Variants in WFDC8 observed in about 807,000 individuals in gnomAD.
The protein encoded by WFDC8 is WAP four-disulfide core domain protein 8.
Under a neutral mutation model 27.0 loss-of-function variants are expected in WFDC8, and 24 were observed. The ratio of observed to expected loss-of-function variants is 0.89; its 90% CI spans 0.64 to 1.25. The LOEUF (loss-of-function observed/expected upper bound fraction) is 1.25, where lower values mean the gene tolerates loss of function less well. WFDC8 is among the 50% of genes most tolerant of loss of function. WFDC8 has a pLI of 0.00. For synonymous variants in WFDC8, 106 were observed against 99.7 expected (o/e 1.06, Z -0.38); for missense variants, 287 against 295.9 (o/e 0.97, Z 0.22).
At chr20:45,577,319 G>C (rs1235760057) in intron 1 of WFDC8, among the ~76,000 whole-genome samples, 2 of 151,364 alleles carry the variant, frequency 1.3e-5, no homozygotes, top group African/African-American at 2.4e-5. Context: ...ACTTGTGTCA[G>C]ATAAGCTTGG....
At chr20:45,555,482 G>A (rs929157978) in intron 4 of WFDC8, among the ~76,000 whole-genome samples, 1 of 152,118 alleles carries the variant, frequency 6.6e-6, no homozygotes, top group African/African-American at 2.4e-5. Flanking sequence ...TTTTGGCAGA[G>A]CCACTCCATT....
Position 45,551,999 on chromosome 20 carries a change from T to C in WFDC8, c.*27A>G, listed in dbSNP as rs1980049760. On this transcript the variant is annotated 3_prime_UTR_variant, in exon 6 of 6. Transcript: ENST00000289953. ...ATCATGCTACTCATAATTAATGATT[T>C]TGATGATAATATTTTCTACTTACTA... The C allele has an allele frequency of 6.2e-7, 1 of 1,610,854 alleles. No homozygotes were observed.
At chr20:45,562,952 A>G (rs1213149623) in intron 1 of WFDC8, among the ~76,000 whole-genome samples, 1 of 152,200 alleles carries the variant, frequency 6.6e-6, no homozygotes, top group Non-Finnish European at 1.5e-5. Flanking sequence ...AGAGGGAGAA[A>G]GAGGAAGCAA....
At chr20:45,559,245 G>C (rs1980380656) in intron 2 of WFDC8, among the ~76,000 whole-genome samples, 1 of 152,142 alleles carries the variant, frequency 6.6e-6, no homozygotes, top group African/African-American at 2.4e-5. Flanking sequence ...GGGTTAGAAA[G>C]GGACCAAGGC....
chr20:45,553,041 C>T, intron 5 of WFDC8, 95 bp downstream of exon 5: 1 of 1,452,254 alleles, frequency 6.9e-7, no homozygotes, highest in Non-Finnish European at 9.3e-7. Flanking sequence ...GCCCAAGGAG[C>T]ATCTGAGGTT....
chr20:45,578,365 C>T (rs1360763086), intron 1 of WFDC8, among the ~76,000 whole-genome samples: 2 of 151,394 alleles, frequency 1.3e-5, no homozygotes, highest in Non-Finnish European at 3.0e-5. Context: ...GAACTTTGAG[C>T]TCTCCATGGC....
intron 4 of WFDC8, among the ~76,000 whole-genome samples, chr20:45,553,527 T>C (rs937634610): frequency 3.9e-5 from 6 of 152,166 alleles, no homozygotes; most frequent in African/African-American, 1.4e-4. Flanking sequence ...AGTTTCCTTC[T>C]CTGTAAAATG....
At chr20:45,571,193 T>A (rs1278056792) in intron 1 of WFDC8, among the ~76,000 whole-genome samples, 1 of 152,220 alleles carries the variant, frequency 6.6e-6, no homozygotes, top group Non-Finnish European at 1.5e-5. Flanking sequence ...ACAATCTTTT[T>A]GTTTTCATTA....
In WFDC8 at chr20:45,555,744, G is replaced by A; in HGVS notation, c.402C>T (p.Asn134=). 1 of 1,613,086 alleles carries A rather than the reference G, an allele frequency of 6.2e-7. No individual in the cohort carries two copies. The highest frequency in any genetic ancestry group is 8.5e-7 in the Non-Finnish European group (1 of 1,180,020). Residue 134 remains asparagine, a synonymous_variant, in exon 4 of 6, where the codon AAC becomes AAT. Coordinates refer to ENST00000289953, the MANE Select transcript of WFDC8 (RefSeq NM_130896.3). Reference sequence around the variant, plus strand: ...TTCTGCAGGCATCCTCATTTAAGAAGTTGTTGGCATTCCCTTCGCAGCCCC... The same window carrying A: ...TTCTGCAGGCATCCTCATTTAAGAAATTGTTGGCATTCCCTTCGCAGCCCC... ...KYRGCEGNAN[N]FLNEDACRTA... is the part of the protein sequence containing the mutation.
At chr20:45,572,971 T>C (rs1170266957) in intron 1 of WFDC8, among the ~76,000 whole-genome samples, 3 of 152,246 alleles carry the variant, frequency 2.0e-5, no homozygotes, top group Non-Finnish European at 4.4e-5. Context: ...TTGAGTTGTT[T>C]TCTTACTATC....
intron 1 of WFDC8, among the ~76,000 whole-genome samples, chr20:45,571,392 C>A (rs1980861933): frequency 6.6e-6 from 1 of 152,078 alleles, no homozygotes; most frequent in Non-Finnish European, 1.5e-5. Context: ...TTATGTGCTA[C>A]AATTTAATGT....
intron 1 of WFDC8, among the ~76,000 whole-genome samples, chr20:45,567,478 T>A (rs1011195609): frequency 6.6e-6 from 1 of 152,108 alleles, no homozygotes; most frequent in African/African-American, 2.4e-5. Context: ...GTAACACAGG[T>A]GTTTATGCAT....
Position 45,555,703 on chromosome 20 carries a change from A to G in WFDC8, c.443T>C (p.Ile148Thr), listed in dbSNP as rs1477789378. 1 of 1,612,290 alleles carries G rather than the reference A, an allele frequency of 6.2e-7. No homozygotes were observed. Among genetic ancestry groups the G allele is most frequent in the Non-Finnish European group, 8.5e-7 (1 of 1,179,960 alleles). ...EDACRTACML[I>T]VKDGQCPLFP... is the part of the protein sequence containing the mutation. The stretch of plus-strand genomic sequence containing the variant: ...GATTTCCAGGATAGAGGTCTCACCA[A>G]TTAACATGCAGGCCGTTCTGCAGGC... Residue 148 changes from isoleucine (I) to threonine (T), a missense_variant and splice_region_variant, in exon 4 of 6, where the codon ATT becomes ACT. Transcript: ENST00000289953.
intron 1 of WFDC8, among the ~76,000 whole-genome samples, chr20:45,570,104 T>C (rs1980818667): frequency 6.6e-6 from 1 of 152,018 alleles, no homozygotes; most frequent in South Asian, 2.1e-4. Flanking sequence ...AATACATGGG[T>C]GTCAAAACAA....
intron 1 of WFDC8, among the ~76,000 whole-genome samples, chr20:45,575,224 G>A (rs1021354713): frequency 5.3e-5 from 8 of 152,076 alleles, no homozygotes; most frequent in Non-Finnish European, 7.4e-5. Context: ...AGAAAGCGAC[G>A]AAATTGCCTC....
intron 5 of WFDC8, among the ~76,000 whole-genome samples, chr20:45,552,864 A>T (rs1179277682): frequency 2.6e-5 from 4 of 152,208 alleles, no homozygotes; most frequent in African/African-American, 9.7e-5. Flanking sequence ...TCACCTTGCA[A>T]GTCATTGAGG....
At position 45,575,555 on chromosome 20, in the gene WFDC8, A is replaced by G. The variant is rs565211502; in HGVS notation, c.26+3667T>C. Among the ~76,000 whole-genome samples, 6 of 151,552 alleles carry G rather than the reference A, an allele frequency of 4.0e-5. 1 individual carries two copies. In the East Asian group the frequency reaches 1.2e-3, roughly 29 times the overall value. On this transcript the variant is annotated intron_variant, in intron 1 of 5. Transcript: ENST00000289953. ...AAGATATTTCATATTCATATTTCATATGGATTAGAAGAATTAATATTGTTA... is the reference window on the plus strand; with the variant it reads ...AAGATATTTCATATTCATATTTCATGTGGATTAGAAGAATTAATATTGTTA...
chr20:45,553,792 C>A (rs1456550129), intron 4 of WFDC8, among the ~76,000 whole-genome samples: 1 of 152,016 alleles, frequency 6.6e-6, no homozygotes, highest in Non-Finnish European at 1.5e-5. Flanking sequence ...GTGGCAGCTG[C>A]GGAGGTGGTA....
At chr20:45,573,947 G>A (rs754807433) in intron 1 of WFDC8, among the ~76,000 whole-genome samples, 5 of 152,184 alleles carry the variant, frequency 3.3e-5, no homozygotes, top group Admixed American at 1.3e-4. Flanking sequence ...AAATCAGGTA[G>A]TGTGATGCCT....
Sources: allele counts gnomAD v4.1 joint callset (sites outside exome capture counted in the v4.1 genomes callset), GRCh38; gene constraint gnomAD v4.1.1; transcripts MANE v1.5; gene names NCBI Gene and HGNC (gene_info 2026-07-23, HGNC 2026-07-21).